EYA4: variants seen among roughly 807,000 people sequenced by gnomAD.
EYA4 encodes protein phosphatase EYA4.
EYA4 carries 31 observed loss-of-function variants against 87.9 expected under a neutral mutation model. That is an observed-to-expected ratio of 0.35 (90% CI 0.27 to 0.48). EYA4 has a LOEUF of 0.48. Among genes scored for constraint, EYA4 ranks in the 20% least tolerant of loss-of-function variants. EYA4 has a pLI of 0.99. For missense variants in EYA4, 678 were observed against 761.4 expected, an observed-to-expected ratio of 0.89 and a Z score of 1.29; for synonymous variants, 263 against 270.6, an observed-to-expected ratio of 0.97 and a Z score of 0.28.
chr6:133,525,829 A>C, intron 19 of EYA4: 1,746 of 785,280 alleles, frequency 2.2e-3, no homozygotes, highest in Non-Finnish European at 2.5e-3. Flanking sequence ...AACTGCTACA[A>C]GAGATTTTAA....
intron 3 of EYA4, among the ~76,000 whole-genome samples, chr6:133,392,704 G>T (rs989203335): frequency 6.6e-6 from 1 of 152,180 alleles, no homozygotes; most frequent in Non-Finnish European, 1.5e-5. Context: ...TGAAATAATA[G>T]ATTTGGCTTG....
rs532800017 is a variant in EYA4, at chr6:133,271,638, C to T, written c.-65-3078C>T. Among the ~76,000 whole-genome samples the T allele has an allele frequency of 7.2e-5, 11 of 152,312 alleles. No individual in the cohort carries two copies. In the South Asian group the frequency reaches 1.0e-3, roughly 14 times the overall value. The stretch of plus-strand genomic sequence containing the variant: ...GCCACATCGAGGGCTCAGTGTTGCT[C>T]TCTGCTGCTGGCAAATTGGGCACTC... On this transcript the variant is annotated intron_variant, in intron 1 of 19. Transcript: ENST00000355286.
intron 2 of EYA4, among the ~76,000 whole-genome samples, chr6:133,319,510 C>CTT (rs1489507052): frequency 9.3e-6 from 1 of 107,300 alleles, no homozygotes; most frequent in Non-Finnish European, 2.3e-5. Flanking sequence ...GGATAGTGTC[C>CTT]CTTTTTTTTT....
intron 17 of EYA4, among the ~76,000 whole-genome samples, chr6:133,518,349 T>C (rs1799783871): frequency 6.6e-6 from 1 of 152,062 alleles, no homozygotes; most frequent in East Asian, 1.9e-4. Context: ...GAAAAAGAAA[T>C]CAACATACAT....
intron 3 of EYA4, among the ~76,000 whole-genome samples, chr6:133,438,899 G>A (rs987856095): frequency 2.0e-5 from 3 of 151,570 alleles, no homozygotes; most frequent in Non-Finnish European, 2.9e-5. Context: ...AAAATTAGCC[G>A]GGCGTGGTGG....
At chr6:133,438,461 A>G (rs1461746485) in intron 3 of EYA4, among the ~76,000 whole-genome samples, 1 of 149,758 alleles carries the variant, frequency 6.7e-6, no homozygotes, top group Admixed American at 6.7e-5. Context: ...GGCTTCAGTG[A>G]TATCATTAAG....
At chr6:133,424,517 C>A (rs536184615) in intron 3 of EYA4, among the ~76,000 whole-genome samples, 3 of 152,158 alleles carry the variant, frequency 2.0e-5, no homozygotes, top group Non-Finnish European at 2.9e-5. Context: ...ACACCCCCCC[C>A]CCAGCCTATA....
intron 2 of EYA4, among the ~76,000 whole-genome samples, chr6:133,276,773 C>T (rs1172613605): frequency 2.0e-5 from 3 of 152,050 alleles, no homozygotes; most frequent in Non-Finnish European, 4.4e-5. Flanking sequence ...CCCATGTTGG[C>T]ATAGCTGATA....
chr6:133,429,730 G>GACC (rs753066971), intron 3 of EYA4, among the ~76,000 whole-genome samples: 2 of 152,150 alleles, frequency 1.3e-5, no homozygotes, highest in Non-Finnish European at 2.9e-5. Flanking sequence ...GGCTTTGAGT[G>GACC]ACCAGTTGTA....
chr6:133,528,608 G>A (rs1800819223), intron 19 of EYA4, 117 bp from the exon 20 acceptor site: 1 of 824,578 alleles, frequency 1.2e-6, no homozygotes, highest in African/African-American at 1.7e-5. Flanking sequence ...CCTGAACTTG[G>A]GTGGACCACA....
intron 3 of EYA4, among the ~76,000 whole-genome samples, chr6:133,428,009 G>T (rs978302449): frequency 6.6e-6 from 1 of 152,082 alleles, no homozygotes; most frequent in African/African-American, 2.4e-5. Flanking sequence ...CTTGGTGAAC[G>T]GTGTAAAAAT....
At chr6:133,523,454 T>C (rs1238124752) in intron 18 of EYA4, among the ~76,000 whole-genome samples, 1 of 151,444 alleles carries the variant, frequency 6.6e-6, no homozygotes. Flanking sequence ...CCTCTAGCCA[T>C]AGTATTTAAT....
chr6:133,409,123 G>A (rs920198128), intron 3 of EYA4, among the ~76,000 whole-genome samples: 7 of 152,100 alleles, frequency 4.6e-5, no homozygotes, highest in Non-Finnish European at 1.0e-4. Context: ...GGGTTGGCAA[G>A]GTAATTTAGA....
At chr6:133,294,900 G>A (rs1238141637) in intron 2 of EYA4, among the ~76,000 whole-genome samples, 2 of 152,126 alleles carry the variant, frequency 1.3e-5, no homozygotes, top group African/African-American at 2.4e-5. Flanking sequence ...TTATTGAAAC[G>A]TAGATGTCAA....
rs1797293496 is a variant in EYA4, at chr6:133,492,698, T to C, written c.1191+9583T>C. On this transcript the variant is annotated intron_variant, in intron 13 of 19. Coordinates refer to ENST00000355286, the MANE Select transcript of EYA4 (RefSeq NM_004100.5). ...TTTGTAGATGATATAATCTTATTTT[T>C]AGAAAAGCTTAAAGATTCCATCAAA... Among the ~76,000 whole-genome samples, 3 of 152,194 alleles carry C rather than the reference T, an allele frequency of 2.0e-5. No homozygotes were observed. The East Asian group carries it at 5.8e-4, about 29-fold the overall frequency.
intron 2 of EYA4, among the ~76,000 whole-genome samples, chr6:133,323,812 A>T (rs535849688): frequency 6.6e-6 from 1 of 152,292 alleles, no homozygotes; most frequent in African/African-American, 2.4e-5. Context: ...GTATTGTTAT[A>T]AATGCTGAAG....
chr6:133,332,852 G>A (rs1429685671), intron 2 of EYA4, among the ~76,000 whole-genome samples: 9 of 150,810 alleles, frequency 6.0e-5, no homozygotes, highest in East Asian at 2.0e-4. Flanking sequence ...ATGAACCACC[G>A]CGCCCAGCCT....
intron 2 of EYA4, chr6:133,325,403 A>G (rs1046632734): frequency 1.3e-5 from 2 of 152,192 alleles, no homozygotes; most frequent in Non-Finnish European, 2.9e-5. Flanking sequence ...GACCTATATC[A>G]TCTTGTGGAA....
chr6:133,490,544 T>C (rs533795933), intron 13 of EYA4, among the ~76,000 whole-genome samples: 9 of 152,060 alleles, frequency 5.9e-5, no homozygotes, highest in African/African-American at 1.2e-4. Context: ...GCTATACTTA[T>C]AATCATCAAA....
Sources: allele counts gnomAD v4.1 joint callset (sites outside exome capture counted in the v4.1 genomes callset), GRCh38; gene constraint gnomAD v4.1.1; transcripts MANE v1.5; gene names NCBI Gene and HGNC (gene_info 2026-07-23, HGNC 2026-07-21).